CHST4: variants seen among roughly 807,000 people sequenced by gnomAD.
The protein encoded by CHST4 is carbohydrate sulfotransferase 4.
For synonymous variants in CHST4, 171 were observed against 195.5 expected (o/e 0.87, Z 1.05); for missense variants, 466 against 506.0 (o/e 0.92, Z 0.76).
chr16:71,536,975 G>T lies in CHST4; in HGVS notation c.298G>T (p.Ala100Ser), dbSNP rs750514246. ...LHMAVRDLIR[A>S]VFLCDMSVFD... ...CATGGCTGTGCGGGATCTGATACGG[G>T]CCGTCTTCTTGTGCGACATGAGCGT... The change falls in exon 2 of 2, where the codon GCC becomes TCC. Residue 100 changes from alanine (A) to serine (S), a missense_variant. Ala to Ser is a moderately conservative substitution (Grantham distance 99). Coordinates refer to ENST00000539698, the MANE Select transcript of CHST4 (RefSeq NM_001166395.2). The T allele has an allele frequency of 6.2e-7, 1 of 1,613,986 alleles. No homozygotes were observed. Among genetic ancestry groups the T allele is most frequent in the South Asian group, 1.1e-5 (1 of 91,058 alleles).
intron 1 of CHST4, among the ~76,000 whole-genome samples, chr16:71,531,352 A>G (rs2043947074): frequency 6.6e-6 from 1 of 152,144 alleles, no homozygotes; most frequent in South Asian, 2.1e-4. Context: ...GACACATCCT[A>G]AAGTATCCCC....
At position 71,537,558 on chromosome 16, in the gene CHST4, T is replaced by A; in HGVS notation, c.881T>A (p.Val294Glu). Residue 294 changes from valine (V) to glutamate (E), a missense_variant, in exon 2 of 2, where the codon GTG (valine) becomes GAG (glutamate). Coordinates refer to ENST00000539698, the MANE Select transcript of CHST4 (RefSeq NM_001166395.2). The surrounding 1 kb of genome is among the most constrained non-coding windows in gnomAD (Gnocchi z 4.2). ...CAGACTTCCCGAATGTATGAATTCG[T>A]GGGATTGGAATTCTTGCCCCATCTT... Reference protein sequence around the residue: ...VAQTSRMYEFVGLEFLPHLQT... With the variant: ...VAQTSRMYEFEGLEFLPHLQT... 1 of 1,614,112 alleles carries A rather than the reference T, an allele frequency of 6.2e-7. No homozygotes were observed. The highest frequency in any genetic ancestry group is 1.1e-5 in the South Asian group (1 of 91,072).
chr16:71,535,471 C>T (rs1303556572), intron 1 of CHST4, among the ~76,000 whole-genome samples: 4 of 152,202 alleles, frequency 2.6e-5, no homozygotes, highest in Middle Eastern at 3.2e-3. Flanking sequence ...CTGCACCTGG[C>T]CTTAATATAC....
intron 1 of CHST4, among the ~76,000 whole-genome samples, chr16:71,534,040 C>CAAA (rs573885766): frequency 1.2e-5 from 1 of 86,354 alleles, no homozygotes; most frequent in Non-Finnish European, 2.4e-5. Context: ...GACCCCATCT[C>CAAA]AAAAAAAAAA....
intron 1 of CHST4, among the ~76,000 whole-genome samples, chr16:71,534,524 A>G (rs1160706568): frequency 6.6e-6 from 1 of 151,638 alleles, no homozygotes; most frequent in African/African-American, 2.4e-5. Context: ...CGTCCAGCTA[A>G]TTTTTGTATT....
rs143274002 is a variant in CHST4, at chr16:71,536,797, C to T, written c.120C>T (p.Pro40=). 1.2e-4 allele frequency: 177 copies of T among 1,526,544 alleles called. No homozygotes were observed. In the Middle Eastern group the frequency reaches 1.2e-3, roughly 11 times the overall value. 94.6% of individuals were successfully genotyped at this position (1,526,544 alleles called of 1,614,324 possible). A position where few individuals can be genotyped will look rare whatever the true frequency, so the allele number is the denominator to read the frequency against. ...NISSLSMKAQ[P]ERMHVLVLSS... ...GCTCCCTGTCTATGAAGGCACAGCC[C>T]GAGCGCATGCACGTGCTGGTTCTGT... is the stretch of plus-strand genomic sequence containing the variant. Residue 40 remains proline (P), a synonymous_variant, in exon 2 of 2, where the codon CCC becomes CCT. Coordinates refer to ENST00000539698, the MANE Select transcript of CHST4 (RefSeq NM_001166395.2).
intron 1 of CHST4, among the ~76,000 whole-genome samples, chr16:71,529,910 G>C (rs905661054): frequency 6.6e-6 from 1 of 152,188 alleles, no homozygotes; most frequent in African/African-American, 2.4e-5. Flanking sequence ...CACTTTGGCA[G>C]GCCGAGGCGG....
intron 1 of CHST4, among the ~76,000 whole-genome samples, chr16:71,535,511 T>C (rs1297575186): frequency 6.6e-6 from 1 of 152,162 alleles, no homozygotes; most frequent in Admixed American, 6.5e-5. Flanking sequence ...TACTTTACTA[T>C]CACCTACAAA....
At position 71,536,956 on chromosome 16, in the gene CHST4, T is replaced by A; in HGVS notation, c.279T>A (p.Ala93=). 6.2e-7 allele frequency: 1 copy of A among 1,613,824 alleles called. No homozygotes were observed. The highest frequency in any genetic ancestry group is 8.5e-7 in the Non-Finnish European group (1 of 1,179,812). ...KQSTAWMLHM[A]VRDLIRAVFL... is the part of the protein sequence containing the mutation. ...GCACCGCCTGGATGCTGCACATGGC[T>A]GTGCGGGATCTGATACGGGCCGTCT... Residue 93 remains alanine, a synonymous_variant, in exon 2 of 2, where the codon GCT becomes GCA. Transcript: ENST00000539698.
At chr16:71,533,098 G>A (rs1392259958) in intron 1 of CHST4, among the ~76,000 whole-genome samples, 1 of 151,874 alleles carries the variant, frequency 6.6e-6, no homozygotes, top group African/African-American at 2.4e-5. Flanking sequence ...ATGTTCTTGT[G>A]TACACATAAA....
chr16:71,530,756 AGAGT>A (rs1335194729), intron 1 of CHST4, among the ~76,000 whole-genome samples: 6 of 150,258 alleles, frequency 4.0e-5, no homozygotes, highest in Non-Finnish European at 7.4e-5. Flanking sequence ...CCTGGGCAAC[AGAGT>A]GAGACCCCCG....
chr16:71,534,525 T>C (rs1471402453), intron 1 of CHST4, among the ~76,000 whole-genome samples: 1 of 151,790 alleles, frequency 6.6e-6, no homozygotes, highest in Non-Finnish European at 1.5e-5. Flanking sequence ...GTCCAGCTAA[T>C]TTTTGTATTT....
chr16:71,534,348 CTTT>C (rs548597955), intron 1 of CHST4, among the ~76,000 whole-genome samples: 2 of 123,406 alleles, frequency 1.6e-5, no homozygotes, highest in Non-Finnish European at 3.3e-5. Flanking sequence ...ACATTTCTTT[CTTT>C]TTTTTTTTTT....
chr16:71,535,183 T>C (rs1027131666), intron 1 of CHST4, among the ~76,000 whole-genome samples: 1 of 152,134 alleles, frequency 6.6e-6, no homozygotes, highest in South Asian at 2.1e-4. Flanking sequence ...TATTTGTGGG[T>C]TTTTTTGGAG....
chr16:71,533,374 G>A (rs1269113928), intron 1 of CHST4, among the ~76,000 whole-genome samples: 13 of 149,938 alleles, frequency 8.7e-5, no homozygotes, highest in East Asian at 4.0e-4. Flanking sequence ...TCAGTCAACC[G>A]AGATCGCGCC....
intron 1 of CHST4, among the ~76,000 whole-genome samples, chr16:71,535,579 G>A (rs574669586): frequency 6.6e-6 from 1 of 152,164 alleles, no homozygotes; most frequent in Admixed American, 6.6e-5. Flanking sequence ...CTAGGGTTGT[G>A]TGATACACAC....
chr16:71,530,384 C>T (rs546025108), intron 1 of CHST4, among the ~76,000 whole-genome samples: 1 of 152,178 alleles, frequency 6.6e-6, no homozygotes, highest in East Asian at 1.9e-4. Context: ...ACCCCAGGTG[C>T]GAGGTGTGGG....
intron 1 of CHST4, among the ~76,000 whole-genome samples, chr16:71,536,032 T>A (rs1221543363): frequency 6.6e-6 from 1 of 152,102 alleles, no homozygotes; most frequent in Non-Finnish European, 1.5e-5. Context: ...TGGCTCTGCC[T>A]TTGAGGAGAC....
Position 71,536,897 on chromosome 16 carries a change from C to G in CHST4, c.220C>G (p.Pro74Ala). 1 of 1,593,142 alleles carries G rather than the reference C, an allele frequency of 6.3e-7. No individual in the cohort carries two copies. Among genetic ancestry groups the G allele is most frequent in the Non-Finnish European group, 8.6e-7 (1 of 1,168,508 alleles). Reference protein sequence around the residue: ...QHPDVFYLMEPAWHVWMTFKQ... With the variant: ...QHPDVFYLMEAAWHVWMTFKQ... ...CCCAGATGTTTTCTACCTGATGGAG[C>G]CCGCCTGGCACGTGTGGATGACCTT... The change falls in exon 2 of 2, where the codon CCC becomes GCC. Residue 74 changes from proline (P) to alanine (A), a missense_variant. Pro to Ala is a conservative substitution (Grantham distance 27). Coordinates refer to ENST00000539698, the MANE Select transcript of CHST4 (RefSeq NM_001166395.2).
Sources: allele counts gnomAD v4.1 joint callset (sites outside exome capture counted in the v4.1 genomes callset), GRCh38; gene constraint gnomAD v4.1.1; non-coding constraint Gnocchi (gnomAD v3.1); transcripts MANE v1.5; gene names NCBI Gene and HGNC (gene_info 2026-07-23, HGNC 2026-07-21).